The following DYM variants were observed in gnomAD, a reference collection of about 807,000 sequenced individuals.
DYM encodes the protein dyggve-Melchior-Clausen syndrome protein.
In DYM, 78 loss-of-function variants were observed where a neutral mutation model predicts 93.1. The observed-to-expected ratio is 0.84, with a 90% CI of 0.70 to 1.01. DYM has a LOEUF of 1.01. Among genes scored for constraint, DYM ranks in the 50% least tolerant of loss-of-function variants. The probability of loss-of-function intolerance (pLI) is 0.00; values close to 1 mark genes in which losing one functional copy is unlikely to be tolerated. For missense variants in DYM, 789 were observed against 845.0 expected (o/e 0.93, Z 0.82); for synonymous variants, 321 against 319.7 (o/e 1.00, Z -0.04).
chr18:49,119,795 A>C (rs568510643), intron 15 of DYM, among the ~76,000 whole-genome samples: 20 of 152,294 alleles, frequency 1.3e-4, no homozygotes, highest in African/African-American at 4.8e-4. Context: ...AAAATACTAT[A>C]GATATATCAA....
chr18:49,110,054 T>C, intron 16 of DYM, among the ~76,000 whole-genome samples: 1 of 152,364 alleles, frequency 6.6e-6, no homozygotes, highest in East Asian at 1.9e-4. Context: ...TGGCCTGTTG[T>C]CTGTTTTTGT....
intron 1 of DYM, among the ~76,000 whole-genome samples, chr18:49,442,404 GC>G (rs61036901): frequency 1 from 152,083 of 152,084 alleles, 76,041 homozygotes; most frequent in Non-Finnish European, 1. Context: ...AAACAAATTA[GC>G]CCAGACATGG....
chr18:49,200,356 T>A (rs1463075572), intron 14 of DYM, among the ~76,000 whole-genome samples: 1 of 152,044 alleles, frequency 6.6e-6, no homozygotes, highest in African/African-American at 2.4e-5. Flanking sequence ...TTTGGACACA[T>A]ACATAATTTT....
intron 10 of DYM, among the ~76,000 whole-genome samples, chr18:49,280,719 C>T (rs1311751990): frequency 6.6e-6 from 1 of 152,220 alleles, no homozygotes; most frequent in Non-Finnish European, 1.5e-5. Context: ...TGACATCTCC[C>T]TATCAATTCT....
chr18:49,292,347 G>GACACAC (rs1389526313), intron 8 of DYM, among the ~76,000 whole-genome samples: 36 of 68,466 alleles, frequency 5.3e-4, no homozygotes, highest in Non-Finnish European at 7.3e-4. Flanking sequence ...CAGACAGACA[G>GACACAC]ACAGACAGAC....
chr18:49,277,428 C>T (rs1021332633), intron 10 of DYM, among the ~76,000 whole-genome samples: 1 of 152,108 alleles, frequency 6.6e-6, no homozygotes, highest in African/African-American at 2.4e-5. Context: ...CAGCAGAGTA[C>T]AATGATTGGA....
chr18:49,072,766 G>A (rs1377749062), intron 17 of DYM, among the ~76,000 whole-genome samples: 2 of 152,198 alleles, frequency 1.3e-5, no homozygotes, highest in Non-Finnish European at 2.9e-5. Flanking sequence ...GACAGACAGC[G>A]CCGTGCAAAT....
At position 49,391,425 on chromosome 18, in the gene DYM, T is replaced by C. The variant is rs2069243157; in HGVS notation, c.193+168A>G. ...AGCCAAGCATGTGTCATATTGCTATTGACTGAAGGGTACCTTCTAGCAGCA... is the reference window on the plus strand; with the variant it reads ...AGCCAAGCATGTGTCATATTGCTATCGACTGAAGGGTACCTTCTAGCAGCA... On this transcript the variant is annotated intron_variant, in intron 3 of 17. Coordinates refer to ENST00000675505, the MANE Select transcript of DYM (RefSeq NM_001353214.3). The C allele has an allele frequency of 1.2e-5, 8 of 671,440 alleles. No homozygotes were observed. In the East Asian group the frequency reaches 2.3e-4, roughly 19 times the overall value. 41.6% of individuals were successfully genotyped at this position (671,440 alleles called of 1,614,324 possible).
chr18:49,118,506 A>G (rs866401288), intron 16 of DYM, among the ~76,000 whole-genome samples: 5 of 152,294 alleles, frequency 3.3e-5, no homozygotes, highest in African/African-American at 4.8e-5. Context: ...AGTGTAAAGT[A>G]AAAAAGTCAG....
rs370525009 is a variant in DYM, at chr18:49,217,982, C to A, written c.1461-8267G>T. Among the ~76,000 whole-genome samples the A allele has an allele frequency of 1.4e-4, 21 of 152,096 alleles. No individual in the cohort carries two copies. The South Asian group carries it at 4.2e-3, about 30-fold the overall frequency. On this transcript the variant is annotated intron_variant, in intron 13 of 17. Coordinates refer to ENST00000675505, the MANE Select transcript of DYM (RefSeq NM_001353214.3). ...GGCAAATTGGATAAACGGTCAAGAC[C>A]CATCAGTGTGCTGTATTCAGGAAAC...
intron 13 of DYM, among the ~76,000 whole-genome samples, chr18:49,213,001 T>C (rs952722729): frequency 2.0e-5 from 3 of 152,210 alleles, no homozygotes; most frequent in Non-Finnish European, 4.4e-5. Context: ...ACAGTCACTG[T>C]TACTTAAGAA....
chr18:49,407,035 A>T (rs555913196), intron 2 of DYM, among the ~76,000 whole-genome samples: 3 of 152,362 alleles, frequency 2.0e-5, no homozygotes, highest in African/African-American at 7.2e-5. Context: ...AACAAGTGAG[A>T]TCCATAACAA....
chr18:49,384,624 CA>C (rs67349630), intron 3 of DYM, among the ~76,000 whole-genome samples: 16 of 126,856 alleles, frequency 1.3e-4, no homozygotes, highest in Non-Finnish European at 1.8e-4. Flanking sequence ...CACTCCATCT[CA>C]AAAAAAAAAA....
intron 10 of DYM, among the ~76,000 whole-genome samples, 155 bp downstream of exon 10, chr18:49,281,842 T>C (rs2094988080): frequency 6.6e-6 from 1 of 152,122 alleles, no homozygotes; most frequent in African/African-American, 2.4e-5. Context: ...TTTGGCGATA[T>C]ACCTAATGTT....
intron 13 of DYM, among the ~76,000 whole-genome samples, chr18:49,214,554 A>C (rs2092939473): frequency 1.3e-5 from 2 of 151,826 alleles, no homozygotes; most frequent in South Asian, 4.2e-4. Context: ...ATTCAGAATC[A>C]ATGAGTAAAA....
chr18:49,166,116 T>C (rs1195073511), intron 14 of DYM, among the ~76,000 whole-genome samples: 1 of 152,182 alleles, frequency 6.6e-6, no homozygotes, highest in Admixed American at 6.6e-5. Context: ...AACACCATAC[T>C]TTCCACTCAT....
At chr18:49,218,968 C>T (rs1445006052) in intron 13 of DYM, among the ~76,000 whole-genome samples, 1 of 152,080 alleles carries the variant, frequency 6.6e-6, no homozygotes, top group Non-Finnish European at 1.5e-5. Context: ...AATTCAGGAG[C>T]TGGTTTTTTG....
chr18:49,195,074 G>A (rs1373324794), intron 14 of DYM, among the ~76,000 whole-genome samples: 1 of 151,978 alleles, frequency 6.6e-6, no homozygotes, highest in Non-Finnish European at 1.5e-5. Context: ...TCCCTTCTGT[G>A]CTCTTCTGCT....
intron 8 of DYM, among the ~76,000 whole-genome samples, chr18:49,289,771 A>ACG (rs1188034260): frequency 1.4e-3 from 63 of 43,902 alleles, no homozygotes; most frequent in African/African-American, 5.6e-3. Flanking sequence ...ATATATATAT[A>ACG]TACACATATA....
Sources: allele counts gnomAD v4.1 joint callset (sites outside exome capture counted in the v4.1 genomes callset), GRCh38; gene constraint gnomAD v4.1.1; transcripts MANE v1.5; gene names NCBI Gene and HGNC (gene_info 2026-07-23, HGNC 2026-07-21).